The following GRK6 variants were observed in gnomAD, a reference collection of about 807,000 sequenced individuals.
GRK6 encodes the protein G protein-coupled receptor kinase 6.
GRK6 carries 37 observed loss-of-function variants against 80.8 expected under a neutral mutation model. The ratio of observed to expected loss-of-function variants is 0.46; its 90% CI spans 0.35 to 0.60. The LOEUF is 0.60. Among genes scored for constraint, GRK6 ranks in the 20% least tolerant of loss-of-function variants. The pLI is 0.00. For synonymous variants in GRK6, 295 were observed against 320.9 expected (o/e 0.92, Z 0.86); for missense variants, 560 against 784.6 (o/e 0.71, Z 3.42).
intron 8 of GRK6, 44 bp from the exon 9 acceptor site, chr5:177,433,870 G>A (rs369709864): frequency 1.7e-5 from 26 of 1,516,600 alleles, no homozygotes; most frequent in East Asian, 6.9e-5. Flanking sequence ...GCCGCCAAGC[G>A]CCCCGCAGCT....
rs138392836 is a variant in GRK6, at chr5:177,434,091, C to T, written c.916C>T (p.Arg306Cys). The T allele has an allele frequency of 1.0e-4, 165 of 1,587,956 alleles. No individual in the cohort carries two copies. Among genetic ancestry groups the T allele is most frequent in the Non-Finnish European group, 1.2e-4 (136 of 1,168,272 alleles). The change falls in exon 9 of 16, where the codon CGC becomes TGC. Residue 306 changes from arginine to cysteine, a missense_variant. This residue lies in a region of GRK6 where 294 missense variants were observed against 397.4 expected (regional missense o/e 0.74). Transcript: ENST00000355472. ...CCGLEDLHRE[R>C]IVYRDLKPEN... ...TGGCCTGGAGGACCTGCACCGGGAGCGCATCGTGTACAGGTGGGGAGGGCT... is the reference window on the plus strand; with the variant it reads ...TGGCCTGGAGGACCTGCACCGGGAGTGCATCGTGTACAGGTGGGGAGGGCT...
intron 2 of GRK6, among the ~76,000 whole-genome samples, chr5:177,431,490 C>T (rs1487493172): frequency 6.6e-6 from 1 of 152,252 alleles, no homozygotes; most frequent in Admixed American, 6.5e-5. Flanking sequence ...GTCTGAGCAG[C>T]ACCCAAGGTT....
chr5:177,429,675 T>A lies in GRK6; in HGVS notation c.53-1197T>A, dbSNP rs1182963336. On this transcript the variant is annotated intron_variant, in intron 1 of 15. Coordinates refer to ENST00000355472, the MANE Select transcript of GRK6 (RefSeq NM_001004106.3). The surrounding 1 kb of genome is among the most constrained non-coding windows in gnomAD (Gnocchi z 4.3). ...CCCTAGAAGGCAACTTCTGCCCTTGTACCACCTGCCCTCACCCAGGCCAGA... is the reference window on the plus strand; with the variant it reads ...CCCTAGAAGGCAACTTCTGCCCTTGAACCACCTGCCCTCACCCAGGCCAGA... Among the ~76,000 whole-genome samples the A allele has an allele frequency of 6.6e-6, 1 of 152,206 alleles. No individual in the cohort carries two copies. The highest frequency in any genetic ancestry group is 1.9e-4 in the East Asian group (1 of 5,204).
intron 1 of GRK6, 144 bp downstream of exon 1, chr5:177,427,041 G>A (rs1381905930): frequency 5.1e-6 from 2 of 393,024 alleles, no homozygotes; most frequent in Middle Eastern, 8.1e-4. Flanking sequence ...GAGCCTTTCC[G>A]GCCCGTCGTC....
chr5:177,431,191 C>T (rs559167889), intron 2 of GRK6, among the ~76,000 whole-genome samples: 1 of 152,270 alleles, frequency 6.6e-6, no homozygotes, highest in Admixed American at 6.5e-5. Context: ...AAGCGGGTGT[C>T]GGGAATAGGG....
chr5:177,437,945 T>C (rs921088969), intron 13 of GRK6, among the ~76,000 whole-genome samples: 15 of 152,198 alleles, frequency 9.9e-5, no homozygotes, highest in African/African-American at 3.4e-4. Flanking sequence ...TGAGTGCCCA[T>C]TTATGCCAGA....
Position 177,430,673 on chromosome 5 carries a change from C to T in GRK6, c.53-199C>T, listed in dbSNP as rs1413311308. 5.0e-6 allele frequency: 3 copies of T among 598,688 alleles called. No homozygotes were observed. The Admixed American group carries it at 9.1e-5, about 18-fold the overall frequency. The allele number at this position is 598,688 out of a possible 1,614,324, so 37.1% of individuals were successfully genotyped here. A position where few individuals can be genotyped will look rare whatever the true frequency, so the allele number is the denominator to read the frequency against. On this transcript the variant is annotated intron_variant, in intron 1 of 15. Coordinates refer to ENST00000355472, the MANE Select transcript of GRK6 (RefSeq NM_001004106.3). ...ACTGCCTCTCTTGGCTCTCCCAGTG[C>T]AGGAGCCTGAAGCAGGAGAAGCACG...
intron 13 of GRK6, among the ~76,000 whole-genome samples, chr5:177,436,948 C>A (rs941100885): frequency 6.6e-6 from 1 of 151,180 alleles, no homozygotes; most frequent in African/African-American, 2.4e-5. Flanking sequence ...CCTTTCTTTC[C>A]TTTCTTCCTT....
In GRK6 at chr5:177,428,106, G is replaced by A. The variant is rs553785509; in HGVS notation, c.52+1209G>A. On this transcript the variant is annotated intron_variant, in intron 1 of 15. Transcript: ENST00000355472. This position sits in a 1 kb window ranked among gnomAD's most constrained non-coding sequence, Gnocchi z 4.1. Reference sequence around the variant, plus strand: ...GGCAGGCTGGGTCCTCATTGCCTGGGGAGCCTGTCTTATCCCCTGTCCCTT... The same window carrying A: ...GGCAGGCTGGGTCCTCATTGCCTGGAGAGCCTGTCTTATCCCCTGTCCCTT... Among the ~76,000 whole-genome samples the A allele has an allele frequency of 3.6e-4, 55 of 152,324 alleles. No individual in the cohort carries two copies. The highest frequency in any genetic ancestry group is 3.4e-3 in the Middle Eastern group (1 of 294).
At chr5:177,432,652 T>C (rs1763959792) in intron 4 of GRK6, 54 bp from the exon 5 acceptor site, 2 of 1,239,198 alleles carry the variant, frequency 1.6e-6, no homozygotes, top group Middle Eastern at 1.9e-4. Flanking sequence ...CCCCTGGAAG[T>C]GGGCAGCCAT....
rs1161812497 is a variant in GRK6, at chr5:177,429,648, C to T, written c.53-1224C>T. Among the ~76,000 whole-genome samples, 2 of 152,228 alleles carry T rather than the reference C, an allele frequency of 1.3e-5. No individual in the cohort carries two copies. Among genetic ancestry groups the T allele is most frequent in the Non-Finnish European group, 2.9e-5 (2 of 68,032 alleles). ...TCATCTAGGGACCTAGCCTTGCCCC[C>T]TCCCTAGAAGGCAACTTCTGCCCTT... On this transcript the variant is annotated intron_variant, in intron 1 of 15. Transcript: ENST00000355472. This position sits in a 1 kb window ranked among gnomAD's most constrained non-coding sequence, Gnocchi z 4.3.
chr5:177,436,334 TCCCTCCC>T, intron 12 of GRK6, 52 bp from the exon 13 acceptor site: 14 of 1,555,854 alleles, frequency 9.0e-6, no homozygotes, highest in Non-Finnish European at 1.2e-5. Context: ...GATGCACCTT[TCCCTCCC>T]TCCCACCCAC....
chr5:177,433,619 G>A lies in GRK6; in HGVS notation c.681G>A (p.Gly227=), dbSNP rs770101479. The change falls in exon 8 of 16, where the codon GGG becomes GGA. Residue 227 remains glycine, a synonymous_variant. Transcript: ENST00000355472. ...AAAAGCGGATCAAGAAGCGGAAAGG[G>A]GAGGCCATGGCGCTGAACGAGAAGC... ...LEKKRIKKRK[G]EAMALNEKQI... 2 of 1,614,162 alleles carry A rather than the reference G, an allele frequency of 1.2e-6. No individual in the cohort carries two copies. Among genetic ancestry groups the A allele is most frequent in the Non-Finnish European group, 1.7e-6 (2 of 1,180,034 alleles).
chr5:177,438,959 G>C (rs1764317711), intron 13 of GRK6: 1 of 152,232 alleles, frequency 6.6e-6, no homozygotes, highest in Non-Finnish European at 1.5e-5. Flanking sequence ...GGTGGGCCCT[G>C]TCAGAGGCAC....
upstream of GRK6, among the ~76,000 whole-genome samples, chr5:177,426,323 GTCT>G (rs1763661629): frequency 6.6e-6 from 1 of 152,234 alleles, no homozygotes; most frequent in Admixed American, 6.5e-5. Flanking sequence ...GATGACGGAC[GTCT>G]TCTTCACCCA....
chr5:177,438,660 G>C (rs1278140663), intron 13 of GRK6: 1 of 152,370 alleles, frequency 6.6e-6, no homozygotes, highest in Admixed American at 6.5e-5. Flanking sequence ...TTCTCAGCAA[G>C]ATGGGACCGC....
chr5:177,440,642 C>T, intron 13 of GRK6, 58 bp from the exon 14 acceptor site: 2 of 1,593,172 alleles, frequency 1.3e-6, no homozygotes, highest in Non-Finnish European at 1.7e-6. Flanking sequence ...CAGGGCTGAG[C>T]TGCCTTCGCG....
At chr5:177,433,711 C>T (rs376949389) in intron 8 of GRK6, 35 bp downstream of exon 8, 110 of 1,609,784 alleles carry the variant, frequency 6.8e-5, no homozygotes, top group Middle Eastern at 1.7e-4. Context: ...TTCCCCTTGG[C>T]CACACTGGCG....
At chr5:177,426,196 G>C (rs945638189), upstream of GRK6, among the ~76,000 whole-genome samples, 1 of 152,182 alleles carries the variant, frequency 6.6e-6, no homozygotes, top group Non-Finnish European at 1.5e-5. Context: ...CTGCCAGCCC[G>C]CAGGAGGCCC....
Sources: allele counts gnomAD v4.1 joint callset (sites outside exome capture counted in the v4.1 genomes callset), GRCh38; gene constraint gnomAD v4.1.1; regional missense constraint gnomAD v4.1.1; non-coding constraint Gnocchi (gnomAD v3.1); transcripts MANE v1.5; gene names NCBI Gene and HGNC (gene_info 2026-07-23, HGNC 2026-07-21).